DAAM1: variants seen among roughly 807,000 people sequenced by gnomAD.
The protein encoded by DAAM1 is disheveled-associated activator of morphogenesis 1.
A neutral mutation model predicts 130.0 loss-of-function variants in DAAM1; 52 were observed. The observed-to-expected ratio is 0.40, with a 90% confidence interval of 0.32 to 0.50. The LOEUF (loss-of-function observed/expected upper bound fraction) is 0.50. Ranked by LOEUF, DAAM1 falls within the 20% of genes least tolerant of loss-of-function variation. DAAM1 has a pLI of 0.61. For missense variants in DAAM1, 1,134 were observed against 1,303.8 expected, an observed-to-expected ratio of 0.87 and a Z score of 2.01; for synonymous variants, 452 against 444.5, an observed-to-expected ratio of 1.02 and a Z score of -0.21.
At chr14:59,281,731 G>A (rs531814206) in intron 2 of DAAM1, among the ~76,000 whole-genome samples, 4 of 152,152 alleles carry the variant, frequency 2.6e-5, no homozygotes, top group East Asian at 1.9e-4. Context: ...TCTTTATAAC[G>A]TCTGGCCCTG....
At chr14:59,253,004 T>C (rs1350152937) in intron 1 of DAAM1, among the ~76,000 whole-genome samples, 2 of 152,242 alleles carry the variant, frequency 1.3e-5, no homozygotes, top group East Asian at 1.9e-4. Flanking sequence ...AGTGTTGTGC[T>C]CTAGCTTTCC....
chr14:59,315,456 A>C (rs1566699185), intron 4 of DAAM1, 105 bp downstream of exon 4: 3 of 1,059,276 alleles, frequency 2.8e-6, no homozygotes, highest in Non-Finnish European at 4.2e-6. Flanking sequence ...ACCAAATGTC[A>C]GTACCTTTCC....
intron 1 of DAAM1, among the ~76,000 whole-genome samples, chr14:59,245,102 G>A (rs896379572): frequency 6.6e-6 from 1 of 152,202 alleles, no homozygotes; most frequent in Non-Finnish European, 1.5e-5. Flanking sequence ...TGAAATGAAT[G>A]TATAGGAGTT....
intron 22 of DAAM1, 50 bp downstream of exon 22, chr14:59,360,912 T>G: frequency 4.8e-5 from 74 of 1,556,122 alleles, no homozygotes; most frequent in Non-Finnish European, 5.8e-5. Flanking sequence ...TCACTATCTC[T>G]AGTGCTGGTG....
chr14:59,300,495 A>G (rs1285201314), intron 3 of DAAM1, among the ~76,000 whole-genome samples: 1 of 152,350 alleles, frequency 6.6e-6, no homozygotes, highest in South Asian at 2.1e-4. Context: ...AGAAAAAACT[A>G]ACCTCTGATA....
intron 3 of DAAM1, among the ~76,000 whole-genome samples, chr14:59,296,165 T>C (rs994690437): frequency 6.6e-6 from 1 of 152,198 alleles, no homozygotes. Context: ...CCTACCTCTC[T>C]AAAGGCTATA....
intron 1 of DAAM1, among the ~76,000 whole-genome samples, chr14:59,197,211 C>T (rs927940306): frequency 5.9e-5 from 9 of 152,172 alleles, no homozygotes; most frequent in Admixed American, 1.3e-4. Flanking sequence ...TGAGCCACCG[C>T]GGGAATTATT....
chr14:59,353,357 G>C (rs1295702287), intron 18 of DAAM1, among the ~76,000 whole-genome samples: 1 of 152,204 alleles, frequency 6.6e-6, no homozygotes, highest in African/African-American at 2.4e-5. Flanking sequence ...GACAGAGGGA[G>C]GTTTGCAGAT....
At chr14:59,197,869 C>T (rs922532626) in intron 1 of DAAM1, among the ~76,000 whole-genome samples, 5 of 152,154 alleles carry the variant, frequency 3.3e-5, no homozygotes, top group Non-Finnish European at 5.9e-5. Flanking sequence ...CATCACTGAC[C>T]TTACAGAAAA....
chr14:59,291,440 G>A, intron 3 of DAAM1, 134 bp downstream of exon 3: 1 of 681,514 alleles, frequency 1.5e-6, no homozygotes, highest in Non-Finnish European at 2.4e-6. Context: ...TGTGGCTGTG[G>A]TGCTACATGT....
At chr14:59,367,055 A>C (rs889221507) in intron 23 of DAAM1, among the ~76,000 whole-genome samples, 1 of 152,060 alleles carries the variant, frequency 6.6e-6, no homozygotes, top group African/African-American at 2.4e-5. Context: ...TTGGGAGGCC[A>C]AGGTGGGCAG....
chr14:59,255,290 C>T (rs918646066), intron 1 of DAAM1, among the ~76,000 whole-genome samples: 3 of 152,168 alleles, frequency 2.0e-5, no homozygotes, highest in Non-Finnish European at 4.4e-5. Context: ...CTGAGAAACG[C>T]CCTTTCCGTT....
At chr14:59,293,652 A>C (rs1883840308) in intron 3 of DAAM1, among the ~76,000 whole-genome samples, 1 of 152,198 alleles carries the variant, frequency 6.6e-6, no homozygotes, top group Non-Finnish European at 1.5e-5. Flanking sequence ...CATGGGTTCT[A>C]GATTTGCCTC....
chr14:59,208,875 ATCTTTC>A (rs1198343494), intron 1 of DAAM1, among the ~76,000 whole-genome samples: 5 of 152,016 alleles, frequency 3.3e-5, no homozygotes, highest in Admixed American at 2.0e-4. Context: ...ACCTTCCCCT[ATCTTTC>A]TCTTGCTCCT....
intron 1 of DAAM1, among the ~76,000 whole-genome samples, 161 bp downstream of exon 1, chr14:59,188,929 C>T (rs1415975599): frequency 2.0e-5 from 3 of 152,150 alleles, no homozygotes; most frequent in South Asian, 4.2e-4. Flanking sequence ...ATATTAAACC[C>T]GTCCTTCAGG....
intron 3 of DAAM1, among the ~76,000 whole-genome samples, chr14:59,303,442 A>G (rs944485918): frequency 6.6e-6 from 1 of 152,216 alleles, no homozygotes; most frequent in East Asian, 1.9e-4. Context: ...CTTTTGTTAC[A>G]GCATTCCTTA....
intron 2 of DAAM1, among the ~76,000 whole-genome samples, chr14:59,288,804 G>A (rs1207212443): frequency 1.4e-5 from 2 of 146,412 alleles, no homozygotes; most frequent in South Asian, 2.1e-4. Context: ...GGCAGAAGGG[G>A]AAGCAAGCAC....
At chr14:59,223,184 A>G (rs1039641487) in intron 1 of DAAM1, among the ~76,000 whole-genome samples, 2 of 152,222 alleles carry the variant, frequency 1.3e-5, no homozygotes, top group African/African-American at 4.8e-5. Flanking sequence ...CCATGATGAC[A>G]TTTAACTTAC....
intron 20 of DAAM1, 40 bp downstream of exon 20, chr14:59,355,373 T>C (rs1566721347): frequency 2.5e-6 from 4 of 1,610,442 alleles, no homozygotes; most frequent in African/African-American, 2.7e-5. Flanking sequence ...GAGCCAGGTG[T>C]GTAGGTCCAG....
Sources: allele counts gnomAD v4.1 joint callset (sites outside exome capture counted in the v4.1 genomes callset), GRCh38; gene constraint gnomAD v4.1.1; transcripts MANE v1.5; gene names NCBI Gene and HGNC (gene_info 2026-07-23, HGNC 2026-07-21).